Variants in SHISA9 observed in about 807,000 individuals in gnomAD.
SHISA9 encodes the protein protein shisa-9.
In SHISA9, 13 loss-of-function variants were observed where a neutral mutation model predicts 38.0. The observed-to-expected ratio is 0.34, with a 90% CI of 0.22 to 0.54. The LOEUF (loss-of-function observed/expected upper bound fraction) is 0.54. Ranked by LOEUF, SHISA9 falls within the 20% of genes least tolerant of loss-of-function variation. The pLI is 0.91. For synonymous variants in SHISA9, 275 were observed against 242.0 expected, an observed-to-expected ratio of 1.14 and a Z score of -1.27; for missense variants, 538 against 575.8, an observed-to-expected ratio of 0.93 and a Z score of 0.67.
the SHISA9 span, among the ~76,000 whole-genome samples, chr16:13,308,999 C>T: frequency 6.6e-6 from 1 of 152,196 alleles, no homozygotes; most frequent in Non-Finnish European, 1.5e-5. Context: ...ATAAGAGTTT[C>T]TCTAACAAGG....
At chr16:13,459,957 G>A in the SHISA9 span, among the ~76,000 whole-genome samples, 1 of 152,130 alleles carries the variant, frequency 6.6e-6, no homozygotes, top group Non-Finnish European at 1.5e-5. Flanking sequence ...GCCTAGGCTA[G>A]AGTGCAGTGG....
chr16:12,940,454 C>A (rs1056535969), intron 2 of SHISA9, among the ~76,000 whole-genome samples: 1 of 148,988 alleles, frequency 6.7e-6, no homozygotes, highest in African/African-American at 2.5e-5. Flanking sequence ...CTCTTCTCAC[C>A]TCACTATGTG....
chr16:13,366,520 A>T, the SHISA9 span, among the ~76,000 whole-genome samples: 1 of 152,146 alleles, frequency 6.6e-6, no homozygotes, highest in African/African-American at 2.4e-5. Context: ...AATGCTGCCC[A>T]TACCTAGACC....
At chr16:13,017,659 G>A (rs879646093) in intron 2 of SHISA9, among the ~76,000 whole-genome samples, 3 of 152,140 alleles carry the variant, frequency 2.0e-5, no homozygotes, top group Admixed American at 6.5e-5. Flanking sequence ...TCTTTATTCA[G>A]TGTAGGTTAT....
At chr16:13,140,270 G>A (rs1427841640) in intron 2 of SHISA9, among the ~76,000 whole-genome samples, 2 of 150,618 alleles carry the variant, frequency 1.3e-5, no homozygotes, top group Admixed American at 6.7e-5. Flanking sequence ...TCCACCTCCC[G>A]GATTCAAGGA....
chr16:13,531,802 A>G, the SHISA9 span, among the ~76,000 whole-genome samples: 2 of 152,142 alleles, frequency 1.3e-5, no homozygotes, highest in Non-Finnish European at 2.9e-5. Flanking sequence ...CTCACCTCTT[A>G]AAATTATTAT....
chr16:13,047,861 T>C (rs2073205274), intron 2 of SHISA9, among the ~76,000 whole-genome samples: 1 of 152,196 alleles, frequency 6.6e-6, no homozygotes, highest in Non-Finnish European at 1.5e-5. Context: ...CAATGCATTA[T>C]CTCATGGGAT....
chr16:13,327,789 T>G, the SHISA9 span, among the ~76,000 whole-genome samples: 2 of 151,954 alleles, frequency 1.3e-5, no homozygotes, highest in Non-Finnish European at 2.9e-5. Context: ...CCCAAGTAGT[T>G]GGGATTACTG....
the SHISA9 span, among the ~76,000 whole-genome samples, chr16:13,513,396 T>A: frequency 1.3e-5 from 2 of 152,204 alleles, no homozygotes; most frequent in Admixed American, 1.3e-4. Context: ...GGTAGGAATG[T>A]AAATTAGTTC....
At chr16:13,526,904 T>G in the SHISA9 span, among the ~76,000 whole-genome samples, 1 of 152,100 alleles carries the variant, frequency 6.6e-6, no homozygotes, top group Admixed American at 6.5e-5. Context: ...GGAGAAAAAG[T>G]CCCCAGATAC....
At chr16:13,022,622 G>A (rs143654545) in intron 2 of SHISA9, among the ~76,000 whole-genome samples, 6 of 152,070 alleles carry the variant, frequency 3.9e-5, no homozygotes, top group African/African-American at 7.2e-5. Flanking sequence ...GTAAGCCACC[G>A]CGCCCAGCCT....
At chr16:13,353,362 G>A in the SHISA9 span, among the ~76,000 whole-genome samples, 11,989 of 152,268 alleles carry the variant, frequency 0.079, 658 homozygotes, top group South Asian at 0.22. Flanking sequence ...TATCTGATTA[G>A]AGAGTGCCTA....
the SHISA9 span, among the ~76,000 whole-genome samples, chr16:13,518,811 G>A: frequency 6.6e-6 from 1 of 152,236 alleles, no homozygotes; most frequent in East Asian, 1.9e-4. Context: ...ACAGTTCGAG[G>A]TTAGGAAGTC....
chr16:13,477,223 C>G, the SHISA9 span, among the ~76,000 whole-genome samples: 39 of 152,132 alleles, frequency 2.6e-4, no homozygotes, highest in African/African-American at 9.2e-4. Context: ...AAAATATAAT[C>G]ATAAACAATT....
chr16:13,086,103 A>T (rs538660203), intron 2 of SHISA9, among the ~76,000 whole-genome samples: 16 of 152,292 alleles, frequency 1.1e-4, no homozygotes, highest in Non-Finnish European at 1.9e-4. Context: ...CACGCCTGTA[A>T]TCCCAGCACT....
chr16:13,204,826 G>A (rs2051047906), intron 3 of SHISA9: 1 of 152,248 alleles, frequency 6.6e-6, no homozygotes, highest in East Asian at 1.9e-4. Flanking sequence ...AGCAGTGGGT[G>A]ACAGAGCTGA....
chr16:13,103,126 T>G (rs2073894975), intron 2 of SHISA9, among the ~76,000 whole-genome samples: 1 of 152,224 alleles, frequency 6.6e-6, no homozygotes, highest in African/African-American at 2.4e-5. Flanking sequence ...ATAACAAGAC[T>G]TATCCAAAGT....
intron 2 of SHISA9, among the ~76,000 whole-genome samples, chr16:12,920,936 C>G (rs1474454396): frequency 2.6e-5 from 4 of 152,094 alleles, no homozygotes; most frequent in African/African-American, 4.8e-5. Flanking sequence ...GTGGTAAAGA[C>G]AGGAAACAAC....
the SHISA9 span, among the ~76,000 whole-genome samples, chr16:13,253,004 A>G: frequency 6.6e-6 from 1 of 152,194 alleles, no homozygotes; most frequent in Non-Finnish European, 1.5e-5. Flanking sequence ...CAAAATGAAG[A>G]CGATGAGGAT....
Sources: gnomAD v4.1 joint callset for allele counts (sites outside exome capture counted in the v4.1 genomes callset) on GRCh38, gnomAD v4.1.1 for gene constraint, MANE v1.5 for transcripts, NCBI Gene and HGNC (gene_info 2026-07-23, HGNC 2026-07-21) for gene names.